The following POU2F1 variants were observed in gnomAD, a reference collection of about 807,000 sequenced individuals.
POU2F1 encodes the protein POU class 2 homeobox 1, also known as POU domain, class 2, transcription factor 1.
Under a neutral mutation model 84.9 loss-of-function variants are expected in POU2F1, and 16 were observed. That is an observed-to-expected ratio of 0.19 (90% confidence interval 0.13 to 0.29). The LOEUF (loss-of-function observed/expected upper bound fraction) is 0.29. Ranked by LOEUF, POU2F1 falls within the 10% of genes least tolerant of loss-of-function variation. The probability of loss-of-function intolerance (pLI) is 1.00; values close to 1 mark genes in which losing one functional copy is unlikely to be tolerated. For synonymous variants in POU2F1, 368 were observed against 368.3 expected, an observed-to-expected ratio of 1.00 and a Z score of 0.01; for missense variants, 738 against 942.6, an observed-to-expected ratio of 0.78 and a Z score of 2.84.
chr1:167,358,803 T>C (rs893150484), intron 2 of POU2F1, among the ~76,000 whole-genome samples: 1 of 139,168 alleles, frequency 7.2e-6, no homozygotes, highest in Non-Finnish European at 1.5e-5. Context: ...ATTCTTCTGC[T>C]TCAGCCTGTC....
chr1:167,296,640 T>C (rs1231779213), intron 1 of POU2F1, among the ~76,000 whole-genome samples: 2 of 152,230 alleles, frequency 1.3e-5, no homozygotes, highest in African/African-American at 4.8e-5. Context: ...AAAAATAAAT[T>C]TACAAAAACT....
intron 13 of POU2F1, among the ~76,000 whole-genome samples, chr1:167,408,971 T>C (rs1649775533): frequency 6.6e-6 from 1 of 152,270 alleles, no homozygotes; most frequent in Non-Finnish European, 1.5e-5. Flanking sequence ...ATTGGATATG[T>C]GATCTGCAAA....
At chr1:167,226,199 AT>A (rs1163701506) in intron 1 of POU2F1, among the ~76,000 whole-genome samples, 1 of 152,182 alleles carries the variant, frequency 6.6e-6, no homozygotes, top group Non-Finnish European at 1.5e-5. Context: ...AAAGTTGTTG[AT>A]TTGATTCAGT....
intron 1 of POU2F1, among the ~76,000 whole-genome samples, chr1:167,267,728 G>A (rs1411847998): frequency 7.0e-5 from 9 of 128,212 alleles, no homozygotes; most frequent in East Asian, 2.7e-4. Context: ...TGCAAGCTCC[G>A]CCTCCCAGGT....
chr1:167,358,122 CTT>C (rs763521021), intron 2 of POU2F1, among the ~76,000 whole-genome samples: 1 of 97,188 alleles, frequency 1.0e-5, no homozygotes, highest in Non-Finnish European at 2.0e-5. Context: ...TTTTTCTTTT[CTT>C]TTTTTTTTTT....
rs1159551443 is a variant in POU2F1 at position 167,376,112 on chromosome 1, G to A, written c.675G>A (p.Gln225=). 8.7e-6 allele frequency: 14 copies of A among 1,614,106 alleles called. No individual in the cohort carries two copies. The Admixed American group carries it at 2.2e-4, about 25-fold the overall frequency. The change falls in exon 7 of 16, where the codon CAG becomes CAA. Residue 225 remains glutamine (Q), a synonymous_variant. Coordinates refer to ENST00000367866, the MANE Select transcript of POU2F1 (RefSeq NM_002697.4). ...FVLVHPTTNL[Q]PAQFIISQTP... ...TGGTGCATCCAACCACCAATTTGCA[G>A]CCAGCGCAGTTTATCATCTCACAGA... is the stretch of plus-strand genomic sequence containing the variant.
chr1:167,346,574 T>C (rs1658218400), intron 2 of POU2F1, among the ~76,000 whole-genome samples: 1 of 152,186 alleles, frequency 6.6e-6, no homozygotes, highest in Admixed American at 6.5e-5. Context: ...CAGTCATTAG[T>C]TAGATTCTCA....
chr1:167,334,809 G>A (rs1044684201), intron 2 of POU2F1, among the ~76,000 whole-genome samples: 2 of 152,118 alleles, frequency 1.3e-5, no homozygotes, highest in Non-Finnish European at 1.5e-5. Flanking sequence ...CTCTTGAGTT[G>A]TTAGTTAACT....
At chr1:167,324,005 T>G (rs889837835) in intron 1 of POU2F1, among the ~76,000 whole-genome samples, 1 of 151,990 alleles carries the variant, frequency 6.6e-6, no homozygotes, top group Admixed American at 6.6e-5. Flanking sequence ...ATTACACAAT[T>G]TAAATAACTA....
chr1:167,294,068 C>A (rs571911332), intron 1 of POU2F1, among the ~76,000 whole-genome samples: 1 of 151,068 alleles, frequency 6.6e-6, no homozygotes, highest in African/African-American at 2.4e-5. Flanking sequence ...TATGGTGGCT[C>A]ACGCCTGTAA....
intron 1 of POU2F1, among the ~76,000 whole-genome samples, chr1:167,270,426 G>A (rs12746439): frequency 0.013 from 1,908 of 152,236 alleles, 17 homozygotes; most frequent in South Asian, 0.038. Context: ...TATGTACTTG[G>A]CAGCAAAATA....
chr1:167,245,086 A>T (rs1259027736), intron 1 of POU2F1, among the ~76,000 whole-genome samples: 5 of 152,172 alleles, frequency 3.3e-5, no homozygotes, highest in Non-Finnish European at 7.4e-5. Flanking sequence ...AAAACTTTTT[A>T]AAAAAATCCG....
At chr1:167,233,949 A>G (rs1395783227) in intron 1 of POU2F1, among the ~76,000 whole-genome samples, 1 of 152,228 alleles carries the variant, frequency 6.6e-6, no homozygotes, top group Non-Finnish European at 1.5e-5. Flanking sequence ...CATTTATGTT[A>G]ATTACAGTGA....
intron 2 of POU2F1, among the ~76,000 whole-genome samples, chr1:167,345,049 C>T (rs931958880): frequency 6.6e-5 from 10 of 152,028 alleles, no homozygotes; most frequent in Admixed American, 5.2e-4. Context: ...ACATCACATA[C>T]CAGGGGTGAG....
rs1196737450 is a variant in POU2F1, at chr1:167,421,384, A to G, written c.*5574A>G. On this transcript the variant is annotated 3_prime_UTR_variant, in exon 16 of 16. Coordinates refer to ENST00000367866, the MANE Select transcript of POU2F1 (RefSeq NM_002697.4). ...ATTAAATATAAATAGGACACCCCTGAGATTTCCAGTAAGGTATTTGAAAGG... is the reference window on the plus strand; with the variant it reads ...ATTAAATATAAATAGGACACCCCTGGGATTTCCAGTAAGGTATTTGAAAGG... 6.6e-6 allele frequency: 1 copy of G among 152,222 alleles called. No individual in the cohort carries two copies. The highest frequency in any genetic ancestry group is 1.5e-5 in the Non-Finnish European group (1 of 68,042). The allele number at this position is 152,222 out of a possible 1,614,324, so 9.4% of individuals were successfully genotyped here.
chr1:167,405,962 A>G (rs1377240561), intron 13 of POU2F1, among the ~76,000 whole-genome samples: 2 of 152,244 alleles, frequency 1.3e-5, no homozygotes, highest in African/African-American at 4.8e-5. Flanking sequence ...GTCCCCATGT[A>G]TTTGAAAATT....
intron 2 of POU2F1, among the ~76,000 whole-genome samples, chr1:167,333,753 G>A (rs1657231515): frequency 6.6e-6 from 1 of 152,196 alleles, no homozygotes; most frequent in African/African-American, 2.4e-5. Context: ...GGAAAGGGCA[G>A]CATTGTATTC....
chr1:167,360,528 C>T (rs1377193225), intron 2 of POU2F1, among the ~76,000 whole-genome samples: 3 of 152,098 alleles, frequency 2.0e-5, no homozygotes, highest in Non-Finnish European at 2.9e-5. Context: ...TTTTAGAGGT[C>T]TCTACTCTGT....
chr1:167,374,219 G>T lies in POU2F1; in HGVS notation c.514G>T (p.Ala172Ser), dbSNP rs1408258526. 8.7e-6 allele frequency: 14 copies of T among 1,613,930 alleles called. No individual in the cohort carries two copies. Among genetic ancestry groups the T allele is most frequent in the African/African-American group, 1.3e-5 (1 of 75,028 alleles). ...QHSASQQHSA[A>S]GATISASAAT... ...CTCCGCCAGCCAGCAGCACAGTGCTGCTGGAGCCACCATCTCCGCCTCTGC... is the reference window on the plus strand; with the variant it reads ...CTCCGCCAGCCAGCAGCACAGTGCTTCTGGAGCCACCATCTCCGCCTCTGC... The change falls in exon 6 of 16, where the codon GCT becomes TCT. Residue 172 changes from alanine to serine, a missense_variant. By Grantham distance (99) the Ala-to-Ser change is moderately conservative. Transcript: ENST00000367866.
Sources: allele counts gnomAD v4.1 joint callset (sites outside exome capture counted in the v4.1 genomes callset), GRCh38; gene constraint gnomAD v4.1.1; transcripts MANE v1.5; gene names NCBI Gene and HGNC (gene_info 2026-07-23, HGNC 2026-07-21).